The following DYNLT5 variants were observed in gnomAD, a reference collection of about 807,000 sequenced individuals.
DYNLT5 encodes the protein dynein light chain Tctex-type family member 5, also known as dynein light chain Tctex-type 5.
In DYNLT5, 25 loss-of-function variants were observed where a neutral mutation model predicts 19.3. The ratio of observed to expected loss-of-function variants is 1.30; its 90% CI spans 0.95 to 1.81. DYNLT5 has a LOEUF of 1.81. Ranked by LOEUF, DYNLT5 falls within the 40% of genes most tolerant of loss-of-function variation. The pLI, the probability that DYNLT5 is intolerant of heterozygous loss-of-function variation, is 0.00. For missense variants in DYNLT5, 232 were observed against 217.9 expected (o/e 1.06, Z -0.41); for synonymous variants, 82 against 68.9 (o/e 1.19, Z -0.94).
intron 2 of DYNLT5, among the ~76,000 whole-genome samples, chr1:66,759,122 C>T (rs1209170330): frequency 1.3e-5 from 2 of 152,188 alleles, no homozygotes; most frequent in Non-Finnish European, 2.9e-5. Flanking sequence ...ATTTCACATA[C>T]AATATCTGTG....
At chr1:66,761,039 A>G (rs888939079) in intron 2 of DYNLT5, among the ~76,000 whole-genome samples, 3 of 152,210 alleles carry the variant, frequency 2.0e-5, no homozygotes, top group Admixed American at 2.0e-4. Context: ...GTCATTTGTC[A>G]TGTTCCTGCC....
intron 3 of DYNLT5, 59 bp from the exon 4 acceptor site, chr1:66,776,220 G>T: frequency 6.3e-7 from 1 of 1,578,852 alleles, no homozygotes; most frequent in Middle Eastern, 1.7e-4. Context: ...TTAGCCTATG[G>T]GGTGGGTGGG....
intron 3 of DYNLT5, among the ~76,000 whole-genome samples, chr1:66,771,703 G>T (rs1645205148): frequency 6.6e-6 from 1 of 152,142 alleles, no homozygotes; most frequent in African/African-American, 2.4e-5. Context: ...TTTGGGTCAG[G>T]TTTTCCCTCA....
At chr1:66,770,731 TACTACTG>T (rs1645198878) in intron 3 of DYNLT5, 3 of 535,400 alleles carry the variant, frequency 5.6e-6, no homozygotes, top group Non-Finnish European at 1.0e-5. Context: ...GCATACAGTA[TACTACTG>T]ACTTAACAAA....
intron 2 of DYNLT5, among the ~76,000 whole-genome samples, chr1:66,759,801 T>C (rs1317506011): frequency 2.0e-5 from 3 of 152,186 alleles, no homozygotes; most frequent in African/African-American, 7.2e-5. Context: ...TTTTAGAAAA[T>C]ACAGGGGTGT....
intron 2 of DYNLT5, among the ~76,000 whole-genome samples, chr1:66,767,266 G>GT (rs900603173): frequency 6.6e-6 from 1 of 151,612 alleles, no homozygotes; most frequent in Admixed American, 6.6e-5. Flanking sequence ...GTTTTGTTTT[G>GT]TTTTTTGAGA....
At chr1:66,772,942 C>T (rs1480672265) in intron 3 of DYNLT5, among the ~76,000 whole-genome samples, 1 of 152,142 alleles carries the variant, frequency 6.6e-6, no homozygotes, top group Non-Finnish European at 1.5e-5. Context: ...ATCATTGAAT[C>T]TCAGTGTCTT....
At chr1:66,757,260 TACAGTCTTCC>T (rs2094637584) in intron 2 of DYNLT5, among the ~76,000 whole-genome samples, 1 of 152,304 alleles carries the variant, frequency 6.6e-6, no homozygotes, top group South Asian at 2.1e-4. Flanking sequence ...TTTCCATGTC[TACAGTCTTCC>T]ACAGTTGTAA....
chr1:66,774,065 G>A (rs1645220908), intron 3 of DYNLT5, among the ~76,000 whole-genome samples: 1 of 151,954 alleles, frequency 6.6e-6, no homozygotes, highest in Admixed American at 6.6e-5. Context: ...AGCGAAGTAT[G>A]GAAAGGACAT....
chr1:66,754,594 T>A (rs1215938137), intron 1 of DYNLT5, 62 bp from the exon 2 acceptor site: 10 of 1,528,382 alleles, frequency 6.5e-6, no homozygotes, highest in Non-Finnish European at 8.8e-6. Context: ...TAGTCCCTGT[T>A]ATACTAACTA....
At chr1:66,760,572 C>T (rs1458954724) in intron 2 of DYNLT5, among the ~76,000 whole-genome samples, 1 of 152,198 alleles carries the variant, frequency 6.6e-6, no homozygotes, top group African/African-American at 2.4e-5. Context: ...ACCTTTACCT[C>T]CATGCTGACA....
chr1:66,760,687 T>C (rs1488751382), intron 2 of DYNLT5, among the ~76,000 whole-genome samples: 1 of 152,216 alleles, frequency 6.6e-6, no homozygotes, highest in Non-Finnish European at 1.5e-5. Flanking sequence ...CTCCACAGCT[T>C]TGTAGAGGTA....
intron 2 of DYNLT5, among the ~76,000 whole-genome samples, chr1:66,764,428 AC>A (rs2094651079): frequency 6.6e-6 from 1 of 152,188 alleles, no homozygotes; most frequent in Non-Finnish European, 1.5e-5. Context: ...TTGTTGTGTC[AC>A]AGGAAATAGG....
At chr1:66,762,213 T>C (rs1043197458) in intron 2 of DYNLT5, among the ~76,000 whole-genome samples, 2 of 152,218 alleles carry the variant, frequency 1.3e-5, no homozygotes, top group Admixed American at 6.5e-5. Context: ...ATGGGGTACA[T>C]AGTGATTTTT....
chr1:66,772,521 A>T (rs1454628454), intron 3 of DYNLT5, among the ~76,000 whole-genome samples: 1 of 152,216 alleles, frequency 6.6e-6, no homozygotes, highest in Non-Finnish European at 1.5e-5. Context: ...ATGAGATTTG[A>T]AGGGGACAAA....
intron 2 of DYNLT5, among the ~76,000 whole-genome samples, chr1:66,760,379 C>A (rs1303104387): frequency 6.6e-6 from 1 of 152,002 alleles, no homozygotes; most frequent in Non-Finnish European, 1.5e-5. Flanking sequence ...TTGTGATCAT[C>A]GAATGAATAA....
chr1:66,768,983 G>A (rs1041203526), intron 2 of DYNLT5, among the ~76,000 whole-genome samples: 1 of 152,198 alleles, frequency 6.6e-6, no homozygotes, highest in African/African-American at 2.4e-5. Context: ...AAAGTAAAAT[G>A]AGATAATTTA....
chr1:66,758,231 C>T (rs1373777729), intron 2 of DYNLT5, among the ~76,000 whole-genome samples: 2 of 152,214 alleles, frequency 1.3e-5, no homozygotes, highest in Non-Finnish European at 2.9e-5. Context: ...TTCTGTTTCC[C>T]GTCCACAGTA....
intron 2 of DYNLT5, among the ~76,000 whole-genome samples, chr1:66,763,120 T>C (rs1433118536): frequency 6.6e-6 from 1 of 152,248 alleles, no homozygotes; most frequent in African/African-American, 2.4e-5. Flanking sequence ...ATTAATCTTC[T>C]TGTACATCTC....
Sources: gnomAD v4.1 joint callset for allele counts (sites outside exome capture counted in the v4.1 genomes callset) on GRCh38, gnomAD v4.1.1 for gene constraint, MANE v1.5 for transcripts, NCBI Gene and HGNC (gene_info 2026-07-23, HGNC 2026-07-21) for gene names.